Variants in ADAM28 observed in about 807,000 individuals in gnomAD.
ADAM28 encodes the protein disintegrin and metalloproteinase domain-containing protein 28.
Under a neutral mutation model 101.2 loss-of-function variants are expected in ADAM28, and 105 were observed. The observed-to-expected ratio is 1.04, with a 90% CI of 0.89 to 1.22. The LOEUF is 1.22. Ranked by LOEUF, ADAM28 falls within the 50% of genes most tolerant of loss-of-function variation. The pLI is 0.00. For synonymous variants in ADAM28, 322 were observed against 310.6 expected (o/e 1.04, Z -0.39); for missense variants, 1,028 against 945.4 (o/e 1.09, Z -1.15).
At position 24,355,866 on chromosome 8, in the gene ADAM28, A is replaced by G. The variant is rs950076710; in HGVS notation, c.*1462A>G. 2.6e-5 allele frequency: 4 copies of G among 152,298 alleles called. No homozygotes were observed. In the East Asian group the frequency reaches 7.7e-4, roughly 29 times the overall value. The allele number at this position is 152,298 out of a possible 1,614,324, so 9.4% of individuals were successfully genotyped here. ...CAGAGATCATCCTAACTAGTAAAGTAGCTGTTTCCATAATCAGGGAACATG... is the reference window on the plus strand; with the variant it reads ...CAGAGATCATCCTAACTAGTAAAGTGGCTGTTTCCATAATCAGGGAACATG... On this transcript the variant is annotated 3_prime_UTR_variant, in exon 23 of 23. Coordinates refer to ENST00000265769, the MANE Select transcript of ADAM28 (RefSeq NM_014265.6).
chr8:24,323,710 A>T, intron 8 of ADAM28, 124 bp from the exon 9 acceptor site: 1 of 967,550 alleles, frequency 1.0e-6, no homozygotes, highest in South Asian at 2.0e-5. Context: ...TTTCACAAAT[A>T]TGCTTGGAAA....
intron 17 of ADAM28, 140 bp from the exon 18 acceptor site, chr8:24,343,366 C>G: frequency 1.9e-6 from 2 of 1,054,674 alleles, no homozygotes; most frequent in Non-Finnish European, 2.8e-6. Context: ...GCCTCTCATT[C>G]ACTCATACTT....
chr8:24,326,417 C>G, intron 9 of ADAM28, 137 bp from the exon 10 acceptor site: 1 of 758,724 alleles, frequency 1.3e-6, no homozygotes, highest in South Asian at 2.4e-5. Context: ...TATGCAAATT[C>G]AAAAACTAAA....
rs1188965581 is a variant in ADAM28 at position 24,330,069 on chromosome 8, T to G, written c.1057T>G (p.Ser353Ala). ...HNFGMFHDDY[S>A]CKCPSTICVM... Reference sequence around the variant, plus strand: ...CTTTGGAATGTTTCATGACGACTATTCTTGCAAGTGTCCTTCTACAATATG... The same window carrying G: ...CTTTGGAATGTTTCATGACGACTATGCTTGCAAGTGTCCTTCTACAATATG... The change falls in exon 11 of 23, where the codon TCT becomes GCT. Residue 353 changes from serine (S) to alanine (A), a missense_variant. Coordinates refer to ENST00000265769, the MANE Select transcript of ADAM28 (RefSeq NM_014265.6). 1 of 1,613,710 alleles carries G rather than the reference T, an allele frequency of 6.2e-7. No individual in the cohort carries two copies. The highest frequency in any genetic ancestry group is 2.2e-5 in the East Asian group (1 of 44,848).
intron 19 of ADAM28, among the ~76,000 whole-genome samples, 178 bp downstream of exon 19, chr8:24,350,150 A>G (rs558521806): frequency 4.6e-5 from 7 of 152,304 alleles, no homozygotes; most frequent in Non-Finnish European, 7.4e-5. Context: ...GAAATCCTTC[A>G]CATCTAGAAA....
chr8:24,339,446 C>A lies in ADAM28; in HGVS notation c.1568-20C>A, dbSNP rs747916878. ...TCAAAAATCTATTTTCTTTTCCCTG[C>A]TGACTGATCCTGGTCCCAGGAACTG... is the stretch of plus-strand genomic sequence containing the variant. On this transcript the variant is annotated intron_variant, in intron 14 of 22. Coordinates refer to ENST00000265769, the MANE Select transcript of ADAM28 (RefSeq NM_014265.6). The A allele has an allele frequency of 3.0e-5, 47 of 1,581,178 alleles. No homozygotes were observed. In the Admixed American group the frequency reaches 5.8e-4, roughly 19 times the overall value.
chr8:24,321,595 A>G (rs1230010660), intron 8 of ADAM28: 3 of 387,886 alleles, frequency 7.7e-6, no homozygotes, highest in South Asian at 2.4e-5. Context: ...AAATCCCAAC[A>G]GAAAGCTGGT....
intron 14 of ADAM28, chr8:24,336,258 A>C: frequency 2.4e-6 from 2 of 816,700 alleles, no homozygotes; most frequent in Non-Finnish European, 1.5e-6. Flanking sequence ...TTAAAGAGAT[A>C]TCCGAAAATT....
chr8:24,350,109 T>C lies in ADAM28; in HGVS notation c.2099+137T>C. The stretch of plus-strand genomic sequence containing the variant: ...CAGAAATACATGCAGATGGTCTTTT[T>C]GGACGAGAAACTGGGTTTCCCTTTA... On this transcript the variant is annotated intron_variant, in intron 19 of 22. Coordinates refer to ENST00000265769, the MANE Select transcript of ADAM28 (RefSeq NM_014265.6). 7 of 695,652 alleles carry C rather than the reference T, an allele frequency of 1.0e-5. No individual in the cohort carries two copies. The South Asian group carries it at 2.1e-4, about 21-fold the overall frequency. 43.1% of individuals were successfully genotyped at this position (695,652 alleles called of 1,614,324 possible). A position where few individuals can be genotyped will look rare whatever the true frequency, so the allele number is the denominator to read the frequency against.
chr8:24,305,063 T>G (rs570653512), intron 2 of ADAM28, among the ~76,000 whole-genome samples: 1 of 152,232 alleles, frequency 6.6e-6, no homozygotes, highest in East Asian at 1.9e-4. Context: ...ACATAAATTA[T>G]CAACTTCAGG....
chr8:24,354,343 T>G, intron 22 of ADAM28, 41 bp from the exon 23 acceptor site: 1 of 1,505,496 alleles, frequency 6.6e-7, no homozygotes, highest in African/African-American at 1.5e-5. Flanking sequence ...TATCTAAATT[T>G]TTGAAGAAAG....
intron 14 of ADAM28, 37 bp from the exon 15 acceptor site, chr8:24,339,429 C>G: frequency 6.6e-7 from 1 of 1,505,248 alleles, no homozygotes. Context: ...TCTCAAAAAT[C>G]TATTTTCTTT....
Position 24,341,638 on chromosome 8 carries a change from G to GA in ADAM28, c.1712dup (p.Asp571GlufsTer2). 6.2e-7 allele frequency: 1 copy of GA among 1,613,772 alleles called. No homozygotes were observed. Among genetic ancestry groups the GA allele is most frequent in the Non-Finnish European group, 8.5e-7 (1 of 1,179,774 alleles). ...GAAGTTGTTCTGTCAAGGTGGGTCGGATAATTTGCCCTGGAAAGGACGGAT... is the reference window on the plus strand; with the variant it reads ...GAAGTTGTTCTGTCAAGGTGGGTCGGAATAATTTGCCCTGGAAAGGACGGAT... On this transcript the variant is annotated frameshift_variant, in exon 16 of 23. Transcript: ENST00000265769. LOFTEE classifies it high-confidence loss of function.
chr8:24,339,626 AG>A lies in ADAM28; in HGVS notation c.1670+59del, dbSNP rs1814526416. 8.0e-6 allele frequency: 11 copies of A among 1,377,964 alleles called. No individual in the cohort carries two copies. The South Asian group carries it at 1.4e-4, about 17-fold the overall frequency. The allele number at this position is 1,377,964 out of a possible 1,614,324, so 85.4% of individuals were successfully genotyped here. A position where few individuals can be genotyped will look rare whatever the true frequency, so the allele number is the denominator to read the frequency against. ...CAGACTAGAGCAATGGTACACTTCCAGCTACACATTCTGATTTATTCCAGTT... is the reference window on the plus strand; with the variant it reads ...CAGACTAGAGCAATGGTACACTTCCACTACACATTCTGATTTATTCCAGTT... On this transcript the variant is annotated intron_variant, in intron 15 of 22. Coordinates refer to ENST00000265769, the MANE Select transcript of ADAM28 (RefSeq NM_014265.6).
At chr8:24,349,835 C>A in intron 18 of ADAM28, 29 bp from the exon 19 acceptor site, 2 of 1,584,692 alleles carry the variant, frequency 1.3e-6, no homozygotes, top group Non-Finnish European at 1.7e-6. Flanking sequence ...TTTCTGCAGT[C>A]CTCAGCGGGC....
At chr8:24,304,302 T>C (rs1206192965) in intron 2 of ADAM28, among the ~76,000 whole-genome samples, 1 of 150,926 alleles carries the variant, frequency 6.6e-6, no homozygotes, top group Non-Finnish European at 1.5e-5. Flanking sequence ...TTTACTGCAG[T>C]TATATTATTT....
chr8:24,309,820 A>C, intron 2 of ADAM28, 74 bp from the exon 3 acceptor site: 1 of 1,136,920 alleles, frequency 8.8e-7, no homozygotes, highest in Non-Finnish European at 1.3e-6. Flanking sequence ...CTTGCTAATG[A>C]CTACACAGAT....
chr8:24,327,154 A>G (rs187566612), intron 10 of ADAM28, among the ~76,000 whole-genome samples: 1 of 152,154 alleles, frequency 6.6e-6, no homozygotes, highest in African/African-American at 2.4e-5. Flanking sequence ...ACCCCATCGT[A>G]TCAGCCAAAA....
At chr8:24,339,797 A>C (rs957175298) in intron 15 of ADAM28, among the ~76,000 whole-genome samples, 3 of 152,220 alleles carry the variant, frequency 2.0e-5, no homozygotes, top group Admixed American at 6.5e-5. Flanking sequence ...TGGGTGCTTC[A>C]GATGACACAA....
Sources: allele counts gnomAD v4.1 joint callset (sites outside exome capture counted in the v4.1 genomes callset), GRCh38; gene constraint gnomAD v4.1.1; transcripts MANE v1.5; gene names NCBI Gene and HGNC (gene_info 2026-07-23, HGNC 2026-07-21).